SNX33: variants seen among roughly 807,000 people sequenced by gnomAD.
SNX33 encodes the protein sorting nexin-33.
SNX33 carries 19 observed loss-of-function variants against 38.8 expected under a neutral mutation model. The observed-to-expected ratio is 0.49, with a 90% CI of 0.34 to 0.72. The LOEUF (loss-of-function observed/expected upper bound fraction) is 0.72, where lower values mean the gene tolerates loss of function less well. SNX33 is among the 30% of genes least tolerant of loss of function. The pLI is 0.01. For missense variants in SNX33, 641 were observed against 776.4 expected, an observed-to-expected ratio of 0.83 and a Z score of 2.07; for synonymous variants, 246 against 289.7, an observed-to-expected ratio of 0.85 and a Z score of 1.53.
At chr15:75,653,431 G>A (rs538242779) in intron 1 of SNX33, among the ~76,000 whole-genome samples, 84 of 152,308 alleles carry the variant, frequency 5.5e-4, no homozygotes, top group African/African-American at 2.0e-3. Context: ...CAGCAAGAGC[G>A]GGGCTGGTCC....
In SNX33 at chr15:75,651,359, TTCC is replaced by T. The variant is rs147522384; in HGVS notation, c.1471+791_1471+793del. Among the ~76,000 whole-genome samples the T allele has an allele frequency of 7.7e-3, 1,177 of 152,320 alleles. 13 individuals carry two copies. The highest frequency in any genetic ancestry group is 0.027 in the African/African-American group (1,119 of 41,566). ...CCTGTGGCCCGGCTGGGACTGTCCC[TTCC>T]TCCTGCCACCTCCCCAAGGACACGT... On this transcript the variant is annotated intron_variant, in intron 1 of 1. Coordinates refer to ENST00000308527, the MANE Select transcript of SNX33 (RefSeq NM_153271.2).
At chr15:75,656,663 G>A (rs1893655352) in intron 1 of SNX33, among the ~76,000 whole-genome samples, 1 of 152,154 alleles carries the variant, frequency 6.6e-6, no homozygotes, top group Non-Finnish European at 1.5e-5. Context: ...GAGAGGTTGA[G>A]GACAGGCTCT....
At chr15:75,652,977 G>A (rs991710531) in intron 1 of SNX33, among the ~76,000 whole-genome samples, 3 of 152,150 alleles carry the variant, frequency 2.0e-5, no homozygotes, top group African/African-American at 7.2e-5. Flanking sequence ...TGGGTGGTGA[G>A]TGTGTGGGAG....
At chr15:75,653,451 C>T (rs952142809) in intron 1 of SNX33, among the ~76,000 whole-genome samples, 2 of 152,206 alleles carry the variant, frequency 1.3e-5, no homozygotes, top group African/African-American at 4.8e-5. Flanking sequence ...CTAAGGCTCA[C>T]GACAGGTCAG....
Position 75,659,225 on chromosome 15 carries a change from G to T in SNX33, c.*2010G>T, listed in dbSNP as rs2141401788. On this transcript the variant is annotated 3_prime_UTR_variant, in exon 2 of 2. Coordinates refer to ENST00000308527, the MANE Select transcript of SNX33 (RefSeq NM_153271.2). ...CATCCACAGATGAGAGGAGGGTACT[G>T]GTTGAGACTTGGCTCTCCTTTGGAG... The T allele has an allele frequency of 6.6e-6, 1 of 152,490 alleles. No homozygotes were observed. The highest frequency in any genetic ancestry group is 6.5e-5 in the Admixed American group (1 of 15,312). The allele number at this position is 152,490 out of a possible 1,614,324, so 9.4% of individuals were successfully genotyped here.
At position 75,648,962 on chromosome 15, in the gene SNX33, T is replaced by A; in HGVS notation, c.-141T>A. 9.3e-7 allele frequency: 1 copy of A among 1,071,998 alleles called. No individual in the cohort carries two copies. Among genetic ancestry groups the A allele is most frequent in the South Asian group, 1.8e-5 (1 of 55,796 alleles). 66.4% of individuals were successfully genotyped at this position (1,071,998 alleles called of 1,614,324 possible). On this transcript the variant is annotated 5_prime_UTR_variant, in exon 1 of 2. It removes the in-frame stop codon of an upstream open reading frame in the 5' UTR. Coordinates refer to ENST00000308527, the MANE Select transcript of SNX33 (RefSeq NM_153271.2). The surrounding 1 kb of genome is among the most constrained non-coding windows in gnomAD (Gnocchi z 4.4). ...GAGACTGGACAGCATCTGTGGGTGC[T>A]GAGACCCCACCTTAGGACCTGAGAG...
chr15:75,653,911 G>A (rs1893617766), intron 1 of SNX33, among the ~76,000 whole-genome samples: 1 of 152,008 alleles, frequency 6.6e-6, no homozygotes, highest in African/African-American at 2.4e-5. Context: ...GGCTAACATA[G>A]TGAAACCCTG....
At chr15:75,654,926 A>G (rs772581529) in intron 1 of SNX33, among the ~76,000 whole-genome samples, 4 of 152,236 alleles carry the variant, frequency 2.6e-5, no homozygotes, top group Non-Finnish European at 4.4e-5. Flanking sequence ...GGAAAAGTCT[A>G]TAGATGCACT....
At position 75,650,137 on chromosome 15, in the gene SNX33, A is replaced by T; in HGVS notation, c.1035A>T (p.Lys345Asn). 1 of 1,613,818 alleles carries T rather than the reference A, an allele frequency of 6.2e-7. No homozygotes were observed. Among genetic ancestry groups the T allele is most frequent in the East Asian group, 2.2e-5 (1 of 44,878 alleles). Residue 345 changes from lysine to asparagine, a missense_variant, in exon 1 of 2, where the codon AAA becomes AAT. Lys to Asn is a moderately conservative substitution (Grantham distance 94). This residue lies in a region of SNX33 where 398 missense variants were observed against 542.5 expected (regional missense o/e 0.73). Coordinates refer to ENST00000308527, the MANE Select transcript of SNX33 (RefSeq NM_153271.2). This position sits in a 1 kb window ranked among gnomAD's most constrained non-coding sequence, Gnocchi z 6.1. Reference protein sequence around the residue: ...CLDDKQWKMGKRRAEKDEMVG... With the variant: ...CLDDKQWKMGNRRAEKDEMVG... ...ATGACAAGCAGTGGAAGATGGGCAA[A>T]CGCCGGGCGGAGAAGGATGAGATGG...
In SNX33 at chr15:75,648,153, G is replaced by A. The variant is rs1231082301; in HGVS notation, c.-950G>A. On this transcript the variant is annotated 5_prime_UTR_variant, in exon 1 of 2. Coordinates refer to ENST00000308527, the MANE Select transcript of SNX33 (RefSeq NM_153271.2). This position sits in a 1 kb window ranked among gnomAD's most constrained non-coding sequence, Gnocchi z 4.4. ...ATCGGGGGTCGTAAGTCCCGGGTGAGGAACCGGTTTCTGCTGGGGTTACCT... is the reference window on the plus strand; with the variant it reads ...ATCGGGGGTCGTAAGTCCCGGGTGAAGAACCGGTTTCTGCTGGGGTTACCT... 1 of 985,430 alleles carries A rather than the reference G, an allele frequency of 1.0e-6. No homozygotes were observed. Among genetic ancestry groups the A allele is most frequent in the Non-Finnish European group, 1.2e-6 (1 of 830,054 alleles). 61.0% of individuals were successfully genotyped at this position (985,430 alleles called of 1,614,324 possible).
In SNX33 at chr15:75,659,766, A is replaced by T. The variant is rs1190299390; in HGVS notation, c.*2551A>T. The T allele has an allele frequency of 6.6e-6, 1 of 152,338 alleles. No individual in the cohort carries two copies. The highest frequency in any genetic ancestry group is 2.4e-5 in the African/African-American group (1 of 41,440). 9.4% of individuals were successfully genotyped at this position (152,338 alleles called of 1,614,324 possible). Reference sequence around the variant, plus strand: ...GGCCTTCCATCCTCAGGGTGAGGCCATCAGTCTGATACTTTTCTCAGGAGG... The same window carrying T: ...GGCCTTCCATCCTCAGGGTGAGGCCTTCAGTCTGATACTTTTCTCAGGAGG... On this transcript the variant is annotated 3_prime_UTR_variant, in exon 2 of 2. Transcript: ENST00000308527.
chr15:75,649,221 A>G lies in SNX33; in HGVS notation c.119A>G (p.Gln40Arg). ...FSETSLDGWL[Q>R]GQNSRGETGL... ...GAGACCTCACTGGATGGCTGGCTGC[A>G]GGGCCAGAACAGCCGTGGGGAGACA... The change falls in exon 1 of 2, where the codon CAG (glutamine) becomes CGG (arginine). Residue 40 changes from glutamine to arginine, a missense_variant. Physicochemically the swap from Gln to Arg is conservative, Grantham distance 43 (BLOSUM62 1). Around this residue, in one of 2 missense-constraint regions of SNX33, gnomAD observed 243 missense variants for 233.9 expected, o/e 1.04. Transcript: ENST00000308527. The surrounding 1 kb of genome is among the most constrained non-coding windows in gnomAD (Gnocchi z 6.6). The G allele has an allele frequency of 6.2e-7, 1 of 1,614,130 alleles. No homozygotes were observed. Among genetic ancestry groups the G allele is most frequent in the East Asian group, 2.2e-5 (1 of 44,886 alleles).
Position 75,659,028 on chromosome 15 carries a change from T to G in SNX33, c.*1813T>G, listed in dbSNP as rs1003422508. Reference sequence around the variant, plus strand: ...AAGGAGCCATGCCCTGGCCTTGCCCTTGAAAAGCCCTAGTCCAGGGGAGGG... The same window carrying G: ...AAGGAGCCATGCCCTGGCCTTGCCCGTGAAAAGCCCTAGTCCAGGGGAGGG... On this transcript the variant is annotated 3_prime_UTR_variant, in exon 2 of 2. Coordinates refer to ENST00000308527, the MANE Select transcript of SNX33 (RefSeq NM_153271.2). The G allele has an allele frequency of 1.3e-5, 2 of 152,218 alleles. No individual in the cohort carries two copies. The highest frequency in any genetic ancestry group is 2.4e-5 in the African/African-American group (1 of 41,412). 9.4% of individuals were successfully genotyped at this position (152,218 alleles called of 1,614,324 possible).
intron 1 of SNX33, among the ~76,000 whole-genome samples, chr15:75,655,329 C>A (rs1893640449): frequency 6.6e-6 from 1 of 152,228 alleles, no homozygotes; most frequent in African/African-American, 2.4e-5. Flanking sequence ...GCTCTGAAGT[C>A]TCTTACTGGG....
Position 75,650,033 on chromosome 15 carries a change from A to T in SNX33, c.931A>T (p.Ile311Phe), listed in dbSNP as rs372227567. ...CATCGAAAAGCGGAAGCGGAGACTC[A>T]TCCTCTGGATGGACCACATGACCAG... is the stretch of plus-strand genomic sequence containing the variant. ...DFIEKRKRRL[I>F]LWMDHMTSHP... is the part of the protein sequence containing the mutation. Residue 311 changes from isoleucine to phenylalanine, a missense_variant, in exon 1 of 2, where the codon ATC becomes TTC. Coordinates refer to ENST00000308527, the MANE Select transcript of SNX33 (RefSeq NM_153271.2). The surrounding 1 kb of genome is among the most constrained non-coding windows in gnomAD (Gnocchi z 6.1). The T allele has an allele frequency of 6.2e-7, 1 of 1,607,038 alleles. No homozygotes were observed. Among genetic ancestry groups the T allele is most frequent in the Non-Finnish European group, 8.5e-7 (1 of 1,176,888 alleles).
chr15:75,658,547 C>T lies in SNX33; in HGVS notation c.*1332C>T, dbSNP rs1472923484. On this transcript the variant is annotated 3_prime_UTR_variant, in exon 2 of 2. Coordinates refer to ENST00000308527, the MANE Select transcript of SNX33 (RefSeq NM_153271.2). The surrounding 1 kb of genome is among the most constrained non-coding windows in gnomAD (Gnocchi z 4.1). ...GTGCTGACATGTGTCACCACTGCCC[C>T]CCTTGCCCCCGGGGGGGTCATGGTC... 1 of 152,690 alleles carries T rather than the reference C, an allele frequency of 6.5e-6. No individual in the cohort carries two copies. The highest frequency in any genetic ancestry group is 6.5e-5 in the Admixed American group (1 of 15,286). 9.5% of individuals were successfully genotyped at this position (152,690 alleles called of 1,614,324 possible).
At position 75,648,983 on chromosome 15, in the gene SNX33, G is replaced by A; in HGVS notation, c.-120G>A. ...GTGCTGAGACCCCACCTTAGGACCTGAGAGATTGAACTGTGTAAGCGCCAT... is the reference window on the plus strand; with the variant it reads ...GTGCTGAGACCCCACCTTAGGACCTAAGAGATTGAACTGTGTAAGCGCCAT... On this transcript the variant is annotated 5_prime_UTR_variant, in exon 1 of 2. An upstream open reading frame in the 5' UTR loses its in-frame stop. Coordinates refer to ENST00000308527, the MANE Select transcript of SNX33 (RefSeq NM_153271.2). This position sits in a 1 kb window ranked among gnomAD's most constrained non-coding sequence, Gnocchi z 4.4. The A allele has an allele frequency of 7.8e-7, 1 of 1,289,282 alleles. No individual in the cohort carries two copies. The highest frequency in any genetic ancestry group is 1.6e-5 in the South Asian group (1 of 63,898). 79.9% of individuals were successfully genotyped at this position (1,289,282 alleles called of 1,614,324 possible). A position where few individuals can be genotyped will look rare whatever the true frequency, so the allele number is the denominator to read the frequency against.
chr15:75,657,668 G>A lies in SNX33; in HGVS notation c.*453G>A, dbSNP rs918380525. On this transcript the variant is annotated 3_prime_UTR_variant, in exon 2 of 2. Coordinates refer to ENST00000308527, the MANE Select transcript of SNX33 (RefSeq NM_153271.2). The surrounding 1 kb of genome is among the most constrained non-coding windows in gnomAD (Gnocchi z 5.5). ...TGAAGGTCGGGGTCAGACACAGACA[G>A]AGTCAATGCAGTATGACTGATGTTT... 3 of 233,034 alleles carry A rather than the reference G, an allele frequency of 1.3e-5. No homozygotes were observed. The highest frequency in any genetic ancestry group is 2.6e-5 in the Non-Finnish European group (3 of 115,792). The allele number at this position is 233,034 out of a possible 1,614,324, so 14.4% of individuals were successfully genotyped here. A position where few individuals can be genotyped will look rare whatever the true frequency, so the allele number is the denominator to read the frequency against.
rs1348914858 is a variant in SNX33, at chr15:75,657,069, C to T, written c.1579C>T (p.Leu527=). The T allele has an allele frequency of 6.2e-7, 1 of 1,614,182 alleles. No homozygotes were observed. The highest frequency in any genetic ancestry group is 8.5e-7 in the Non-Finnish European group (1 of 1,180,022). Residue 527 remains leucine, a synonymous_variant, in exon 2 of 2, where the codon CTG becomes TTG. Coordinates refer to ENST00000308527, the MANE Select transcript of SNX33 (RefSeq NM_153271.2). The surrounding 1 kb of genome is among the most constrained non-coding windows in gnomAD (Gnocchi z 5.5). ...GCGCTGCCGCGTGGTGGGTTTCGCCCTGCAGGCCGAGATGAACCACTTCCA... is the reference window on the plus strand; with the variant it reads ...GCGCTGCCGCGTGGTGGGTTTCGCCTTGCAGGCCGAGATGAACCACTTCCA... ...RRRCRVVGFA[L]QAEMNHFHQR...
Sources: gnomAD v4.1 joint callset for allele counts (sites outside exome capture counted in the v4.1 genomes callset) on GRCh38, gnomAD v4.1.1 for gene constraint, gnomAD v4.1.1 regional missense constraint, Gnocchi (gnomAD v3.1) non-coding constraint, MANE v1.5 for transcripts, NCBI Gene and HGNC (gene_info 2026-07-23, HGNC 2026-07-21) for gene names.